Variants in CLSTN2 observed in about 807,000 individuals in gnomAD.
CLSTN2 encodes the protein calsyntenin-2.
Under a neutral mutation model 101.2 loss-of-function variants are expected in CLSTN2, and 48 were observed. The observed-to-expected ratio is 0.47, with a 90% CI of 0.38 to 0.60. The LOEUF is 0.60. Among genes scored for constraint, CLSTN2 ranks in the 20% least tolerant of loss-of-function variants. CLSTN2 has a pLI of 0.00. For synonymous variants in CLSTN2, 481 were observed against 463.6 expected, an observed-to-expected ratio of 1.04 and a Z score of -0.48; for missense variants, 1,160 against 1,238.2, an observed-to-expected ratio of 0.94 and a Z score of 0.95.
intron 6 of CLSTN2, among the ~76,000 whole-genome samples, chr3:140,457,010 T>G (rs918362279): frequency 6.6e-6 from 1 of 152,168 alleles, no homozygotes; most frequent in African/African-American, 2.4e-5. Flanking sequence ...AATCAATTTC[T>G]TCACTAGTCT....
At chr3:140,363,104 A>G (rs1278171578) in intron 2 of CLSTN2, among the ~76,000 whole-genome samples, 1 of 152,230 alleles carries the variant, frequency 6.6e-6, no homozygotes, top group Admixed American at 6.5e-5. Flanking sequence ...TGAGTATATA[A>G]ACAATATGGT....
At chr3:140,374,368 A>G (rs1993960) in intron 2 of CLSTN2, among the ~76,000 whole-genome samples, 145,340 of 152,178 alleles carry the variant, frequency 0.96, 69,750 homozygotes, top group East Asian at 1. Flanking sequence ...AAACACTGTC[A>G]TCCTTTATAA....
At chr3:140,333,419 G>A (rs1283888415) in intron 2 of CLSTN2, among the ~76,000 whole-genome samples, 1 of 152,118 alleles carries the variant, frequency 6.6e-6, no homozygotes, top group African/African-American at 2.4e-5. Context: ...AATCTAACAT[G>A]ATAGGCTTGT....
chr3:139,935,476 G>T lies in CLSTN2; in HGVS notation c.102G>T (p.Ala34=). 8.1e-7 allele frequency: 1 copy of T among 1,228,066 alleles called. No homozygotes were observed. Among genetic ancestry groups the T allele is most frequent in the South Asian group, 4.1e-5 (1 of 24,176 alleles). 76.1% of individuals were successfully genotyped at this position (1,228,066 alleles called of 1,614,324 possible). A position where few individuals can be genotyped will look rare whatever the true frequency, so the allele number is the denominator to read the frequency against. The change falls in exon 1 of 17, where the codon GCG becomes GCT. Residue 34 remains alanine, a synonymous_variant. Transcript: ENST00000458420. This position sits in a 1 kb window ranked among gnomAD's most constrained non-coding sequence, Gnocchi z 5.5. ...ACAGCCGGCAGCGCCGCCTCCTCGCGGCTAAAGGTGGGTGCTGGGGAAGTT... is the reference window on the plus strand; with the variant it reads ...ACAGCCGGCAGCGCCGCCTCCTCGCTGCTAAAGGTGGGTGCTGGGGAAGTT... ...GGDSRQRRLL[A]AKVNKHKPWI...
chr3:140,489,864 G>A (rs1056183001), intron 8 of CLSTN2, among the ~76,000 whole-genome samples: 5 of 151,036 alleles, frequency 3.3e-5, no homozygotes, highest in South Asian at 4.2e-4. Flanking sequence ...AAATAGAAAC[G>A]CTGAGTTTTG....
chr3:140,345,100 G>A (rs1442230880), intron 2 of CLSTN2, among the ~76,000 whole-genome samples: 3 of 152,090 alleles, frequency 2.0e-5, no homozygotes, highest in Non-Finnish European at 4.4e-5. Context: ...TCTGTATGGT[G>A]TCATATCCTC....
chr3:140,306,261 C>A (rs777901824), intron 2 of CLSTN2, among the ~76,000 whole-genome samples: 1 of 152,236 alleles, frequency 6.6e-6, no homozygotes, highest in Non-Finnish European at 1.5e-5. Context: ...CATCAATAGT[C>A]TGCCACCCAA....
chr3:140,527,778 G>A (rs941957887), intron 8 of CLSTN2, among the ~76,000 whole-genome samples: 50 of 152,118 alleles, frequency 3.3e-4, no homozygotes, highest in Non-Finnish European at 6.9e-4. Flanking sequence ...CAACATAGAT[G>A]GAGCCAAAGG....
chr3:140,092,555 T>C (rs1379450755), intron 1 of CLSTN2, among the ~76,000 whole-genome samples: 2 of 152,156 alleles, frequency 1.3e-5, no homozygotes, highest in Non-Finnish European at 2.9e-5. Context: ...ATGAGGTCTT[T>C]CTTCCCAGGA....
intron 2 of CLSTN2, among the ~76,000 whole-genome samples, chr3:140,328,020 G>T (rs1371555370): frequency 1.3e-5 from 2 of 152,126 alleles, no homozygotes; most frequent in African/African-American, 2.4e-5. Flanking sequence ...GAAGCCCATG[G>T]GAATCACAAG....
intron 2 of CLSTN2, among the ~76,000 whole-genome samples, chr3:140,205,741 A>C (rs1403876224): frequency 1.3e-5 from 2 of 151,872 alleles, no homozygotes; most frequent in African/African-American, 4.8e-5. Flanking sequence ...TTGAGCCCCT[A>C]CTGTGTGCAA....
At chr3:140,150,075 T>C (rs773539266) in intron 1 of CLSTN2, among the ~76,000 whole-genome samples, 17 of 152,154 alleles carry the variant, frequency 1.1e-4, no homozygotes, top group Non-Finnish European at 1.9e-4. Flanking sequence ...GAGGTGAATA[T>C]ACATGTTTGT....
At chr3:140,194,230 G>C (rs2010612710) in intron 2 of CLSTN2, among the ~76,000 whole-genome samples, 1 of 152,136 alleles carries the variant, frequency 6.6e-6, no homozygotes, top group Admixed American at 6.5e-5. Context: ...TGCTGTCAGT[G>C]CCTGGTGAGG....
At chr3:140,306,670 G>A (rs577480519) in intron 2 of CLSTN2, among the ~76,000 whole-genome samples, 2 of 151,984 alleles carry the variant, frequency 1.3e-5, no homozygotes, top group East Asian at 3.9e-4. Flanking sequence ...GGTCATTCAC[G>A]CTGTGTGTTC....
At chr3:140,544,625 A>T (rs976809743) in intron 9 of CLSTN2, among the ~76,000 whole-genome samples, 1 of 152,192 alleles carries the variant, frequency 6.6e-6, no homozygotes, top group East Asian at 1.9e-4. Flanking sequence ...GCTACTGAGG[A>T]CATAAACACC....
chr3:140,086,237 G>A (rs756918206), intron 1 of CLSTN2, among the ~76,000 whole-genome samples: 10 of 152,150 alleles, frequency 6.6e-5, no homozygotes, highest in East Asian at 1.9e-4. Flanking sequence ...CGGTGATAAC[G>A]AATGCTGGGG....
At chr3:140,419,319 CA>C (rs1335220201) in intron 4 of CLSTN2, among the ~76,000 whole-genome samples, 4 of 148,268 alleles carry the variant, frequency 2.7e-5, no homozygotes, top group African/African-American at 1.0e-4. Context: ...CCCATCTCTA[CA>C]AAAAACACAA....
At chr3:140,440,074 G>C (rs1178147560) in intron 5 of CLSTN2, among the ~76,000 whole-genome samples, 2 of 152,222 alleles carry the variant, frequency 1.3e-5, no homozygotes, top group African/African-American at 4.8e-5. Context: ...CAGGGAGAGT[G>C]GAGGCTGGGG....
chr3:140,564,620 C>G (rs1048214147), intron 16 of CLSTN2, among the ~76,000 whole-genome samples: 12 of 152,122 alleles, frequency 7.9e-5, no homozygotes, highest in African/African-American at 2.9e-4. Context: ...TTATTGAGCC[C>G]CCATTATGCC....
Sources: allele counts gnomAD v4.1 joint callset (sites outside exome capture counted in the v4.1 genomes callset), GRCh38; gene constraint gnomAD v4.1.1; non-coding constraint Gnocchi (gnomAD v3.1); transcripts MANE v1.5; gene names NCBI Gene and HGNC (gene_info 2026-07-23, HGNC 2026-07-21).